RELN: variants seen among roughly 807,000 people sequenced by gnomAD.
RELN encodes the protein reelin.
In RELN, 108 loss-of-function variants were observed where a neutral mutation model predicts 427.6. The ratio of observed to expected loss-of-function variants is 0.25; its 90% CI spans 0.22 to 0.30. The LOEUF is 0.30. RELN is among the 10% of genes least tolerant of loss of function. The pLI is 1.00. For missense variants in RELN, 3,715 were observed against 4,302.8 expected, an observed-to-expected ratio of 0.86 and a Z score of 3.82; for synonymous variants, 1,524 against 1,513.4, an observed-to-expected ratio of 1.01 and a Z score of -0.16.
chr7:103,496,624 A>C lies in RELN; in HGVS notation c.9095T>G (p.Val3032Gly). 6.2e-7 allele frequency: 1 copy of C among 1,614,192 alleles called. No homozygotes were observed. Among genetic ancestry groups the C allele is most frequent in the Non-Finnish European group, 8.5e-7 (1 of 1,180,014 alleles). ...WQPFVISNGIVVSGVERAQWA... is the reference protein window; with the variant it reads ...WQPFVISNGIGVSGVERAQWA... ...CTGAGCACGCTCCACCCCAGAGACC[A>C]CAATTCCATTGCTGATCACAAAAGG... Residue 3032 changes from valine to glycine, a missense_variant, in exon 56 of 65, where the codon GTG (valine) becomes GGG (glycine). This residue lies in a region of RELN where 1,310 missense variants were observed against 1,643.0 expected (regional missense o/e 0.80). Coordinates refer to ENST00000428762, the MANE Select transcript of RELN (RefSeq NM_005045.4).
intron 41 of RELN, among the ~76,000 whole-genome samples, chr7:103,550,185 T>C (rs1830382250): frequency 6.6e-6 from 1 of 152,218 alleles, no homozygotes; most frequent in Non-Finnish European, 1.5e-5. Flanking sequence ...GTGGATAGAT[T>C]CATGTTCAAA....
intron 11 of RELN, among the ~76,000 whole-genome samples, chr7:103,677,657 T>C (rs1263635865): frequency 1.4e-5 from 2 of 141,972 alleles, no homozygotes; most frequent in African/African-American, 5.3e-5. Flanking sequence ...TCTCAGCTAC[T>C]GGGGAGGCTG....
At position 103,794,821 on chromosome 7, in the gene RELN, A is replaced by T. The variant is rs74405982; in HGVS notation, c.474-18194T>A. Among the ~76,000 whole-genome samples, 971 of 152,278 alleles carry T rather than the reference A, an allele frequency of 6.4e-3. 3 individuals carry two copies. The highest frequency in any genetic ancestry group is 0.011 in the Non-Finnish European group (723 of 68,016). ...AGATGCTAGGTATGACAACAAAAAA[A>T]TGTCTCCAGATATTATCAAATGTCC... is the stretch of plus-strand genomic sequence containing the variant. On this transcript the variant is annotated intron_variant, in intron 3 of 64. Coordinates refer to ENST00000428762, the MANE Select transcript of RELN (RefSeq NM_005045.4).
chr7:103,914,635 T>G (rs1795443946), intron 2 of RELN, among the ~76,000 whole-genome samples: 2 of 152,200 alleles, frequency 1.3e-5, no homozygotes, highest in East Asian at 3.9e-4. Context: ...CAGCATCTTA[T>G]GAAGAAGGTA....
chr7:103,542,773 A>G lies in RELN; in HGVS notation c.6629T>C (p.Leu2210Ser), dbSNP rs772390333. 3.1e-6 allele frequency: 5 copies of G among 1,614,028 alleles called. No individual in the cohort carries two copies. The highest frequency in any genetic ancestry group is 4.2e-6 in the Non-Finnish European group (5 of 1,180,016). ...CAGGTCTCGTGTCATCAACATGCGC[A>G]AGCCATCTTCATTGAAAAAGAGGTT... Reference protein sequence around the residue: ...GNNLFFNEDGLRMLMTRDLDL... With the variant: ...GNNLFFNEDGSRMLMTRDLDL... The change falls in exon 43 of 65, where the codon TTG becomes TCG. Residue 2210 changes from leucine to serine, a missense_variant. By Grantham distance (145) the Leu-to-Ser change is moderately radical. This residue lies in a region of RELN where 1,310 missense variants were observed against 1,643.0 expected (regional missense o/e 0.80). Transcript: ENST00000428762.
chr7:103,836,493 A>T (rs1428400592), intron 2 of RELN, among the ~76,000 whole-genome samples: 1 of 152,094 alleles, frequency 6.6e-6, no homozygotes, highest in African/African-American at 2.4e-5. Context: ...GGCCTTCAAG[A>T]AGACTCTGAA....
At chr7:103,822,315 C>G (rs1584268990) in intron 3 of RELN, among the ~76,000 whole-genome samples, 1 of 151,918 alleles carries the variant, frequency 6.6e-6, no homozygotes, top group South Asian at 2.1e-4. Context: ...TTGTTAAACT[C>G]TAGCAAGTTT....
chr7:103,691,357 C>T (rs1304427866), intron 10 of RELN, among the ~76,000 whole-genome samples: 1 of 152,050 alleles, frequency 6.6e-6, no homozygotes, highest in Non-Finnish European at 1.5e-5. Flanking sequence ...AAAGAAATAT[C>T]TAAAGAAGAC....
chr7:103,989,246 A>G lies in RELN; in HGVS notation c.111T>C (p.Phe37=). Residue 37 remains phenylalanine, a synonymous_variant, in exon 1 of 65, where the codon TTT becomes TTC. Coordinates refer to ENST00000428762, the MANE Select transcript of RELN (RefSeq NM_005045.4). The surrounding 1 kb of genome is among the most constrained non-coding windows in gnomAD (Gnocchi z 4.9). ...GCTCCCCGTGGTGGGTGCACAGGAA[A>G]AAGAAGGGCGAAAAGCGGGGGTAAT... The part of the protein sequence containing the change: ...AGYYPRFSPF[F]FLCTHHGELE... The G allele has an allele frequency of 6.2e-7, 1 of 1,614,006 alleles. No homozygotes were observed. The highest frequency in any genetic ancestry group is 8.5e-7 in the Non-Finnish European group (1 of 1,179,960).
Position 103,692,750 on chromosome 7 carries a change from T to C in RELN, c.1143+5103A>G, listed in dbSNP as rs542148066. ...GGGATAAAGGAGCTGCCACAGCAAA[T>C]TTGAATGACCAGTGGAAAAAGAGTG... On this transcript the variant is annotated intron_variant, in intron 10 of 64. Transcript: ENST00000428762. Among the ~76,000 whole-genome samples the C allele has an allele frequency of 8.3e-4, 126 of 152,142 alleles. 1 individual carries two copies. The highest frequency in any genetic ancestry group is 3.0e-3 in the African/African-American group (125 of 41,516).
At chr7:103,738,138 T>C (rs899226532) in intron 6 of RELN, among the ~76,000 whole-genome samples, 1 of 149,786 alleles carries the variant, frequency 6.7e-6, no homozygotes, top group African/African-American at 2.5e-5. Flanking sequence ...ATTGTGTTTT[T>C]TAATAGTTCT....
intron 2 of RELN, among the ~76,000 whole-genome samples, chr7:103,909,854 A>G (rs1024228768): frequency 7.5e-6 from 1 of 134,136 alleles, no homozygotes; most frequent in Non-Finnish European, 1.5e-5. Flanking sequence ...ATATTTAAAT[A>G]ATTCATTTTG....
intron 20 of RELN, among the ~76,000 whole-genome samples, chr7:103,625,051 CCTTAT>C (rs768503733): frequency 8.5e-5 from 13 of 152,134 alleles, no homozygotes; most frequent in East Asian, 5.8e-4. Flanking sequence ...CTATAGCTTT[CCTTAT>C]CTTAATTCTT....
chr7:103,857,140 T>C (rs930265251), intron 2 of RELN, among the ~76,000 whole-genome samples: 2 of 152,138 alleles, frequency 1.3e-5, no homozygotes, highest in East Asian at 3.9e-4. Flanking sequence ...TATCATCTGC[T>C]CATATGCCAA....
intron 46 of RELN, among the ~76,000 whole-genome samples, chr7:103,529,146 A>AGTCCTC (rs1829886793): frequency 6.6e-6 from 1 of 151,858 alleles, no homozygotes; most frequent in Non-Finnish European, 1.5e-5. Context: ...AAAAAAAAAA[A>AGTCCTC]AGTCCTCTCT....
At chr7:103,524,812 G>A (rs368102990) in intron 46 of RELN, among the ~76,000 whole-genome samples, 5 of 152,158 alleles carry the variant, frequency 3.3e-5, no homozygotes, top group Admixed American at 1.3e-4. Context: ...TCTGTTGAGC[G>A]TCTATGTACA....
At chr7:103,758,156 A>G (rs1367221776) in intron 4 of RELN, among the ~76,000 whole-genome samples, 6 of 152,174 alleles carry the variant, frequency 3.9e-5, no homozygotes, top group African/African-American at 1.2e-4. Context: ...ACATCTCTGT[A>G]ATCTTTATCC....
chr7:103,749,552 C>T (rs774845415), intron 5 of RELN, 48 bp from the exon 6 acceptor site: 23 of 1,325,748 alleles, frequency 1.7e-5, no homozygotes, highest in Non-Finnish European at 2.4e-5. Flanking sequence ...TACAACAGTA[C>T]ATTTAGCTAA....
chr7:103,505,935 G>A (rs779253727), intron 51 of RELN, among the ~76,000 whole-genome samples: 4 of 152,168 alleles, frequency 2.6e-5, no homozygotes, highest in African/African-American at 9.7e-5. Context: ...CGAGAACTTC[G>A]TGAAGCATAC....
Sources: gnomAD v4.1 joint callset for allele counts (sites outside exome capture counted in the v4.1 genomes callset) on GRCh38, gnomAD v4.1.1 for gene constraint, gnomAD v4.1.1 regional missense constraint, Gnocchi (gnomAD v3.1) non-coding constraint, MANE v1.5 for transcripts, NCBI Gene and HGNC (gene_info 2026-07-23, HGNC 2026-07-21) for gene names.